CTNNA2: variants seen among roughly 807,000 people sequenced by gnomAD.
CTNNA2 encodes the protein catenin alpha-2.
In CTNNA2, 42 loss-of-function variants were observed where a neutral mutation model predicts 101.0. The ratio of observed to expected loss-of-function variants is 0.42; its 90% CI spans 0.32 to 0.54. The LOEUF (loss-of-function observed/expected upper bound fraction) is 0.54. CTNNA2 is among the 20% of genes least tolerant of loss of function. The pLI is 0.14. For missense variants in CTNNA2, 871 were observed against 1,223.1 expected (o/e 0.71, Z 4.29); for synonymous variants, 450 against 456.4 (o/e 0.99, Z 0.18).
chr2:80,233,780 T>A (rs1709391164), intron 7 of CTNNA2, among the ~76,000 whole-genome samples: 1 of 152,162 alleles, frequency 6.6e-6, no homozygotes, highest in Admixed American at 6.6e-5. Context: ...AGGGATTGAA[T>A]GCCATATTCA....
rs556130606 is a variant in CTNNA2 at position 79,624,605 on chromosome 2, A to G, written c.-5-26947A>G. ...GTTCAAGACTGGCCTGTAGAAGCTC[A>G]GTCACCAGCATCTTTTTGGTGGTGG... On this transcript the variant is annotated intron_variant, in intron 1 of 18. Coordinates refer to ENST00000402739, the MANE Select transcript of CTNNA2 (RefSeq NM_001282597.3). Among the ~76,000 whole-genome samples the G allele has an allele frequency of 3.9e-5, 6 of 152,336 alleles. 1 individual carries two copies. Among genetic ancestry groups the G allele is most frequent in the African/African-American group, 1.4e-4 (6 of 41,576 alleles).
At chr2:80,132,905 C>T (rs1305611583) in intron 7 of CTNNA2, among the ~76,000 whole-genome samples, 1 of 152,080 alleles carries the variant, frequency 6.6e-6, no homozygotes, top group Non-Finnish European at 1.5e-5. Flanking sequence ...AATCATGACT[C>T]ATATGGATAT....
At chr2:79,357,139 C>A (rs1016097627) in intron 3 of CTNNA2, among the ~76,000 whole-genome samples, 2 of 152,046 alleles carry the variant, frequency 1.3e-5, no homozygotes, top group African/African-American at 4.8e-5. Flanking sequence ...CCAGTCTGGG[C>A]AACATAGCAA....
intron 7 of CTNNA2, among the ~76,000 whole-genome samples, chr2:80,332,191 A>C (rs145162918): frequency 6.6e-6 from 1 of 152,140 alleles, no homozygotes; most frequent in South Asian, 2.1e-4. Flanking sequence ...TTTCTCCTTA[A>C]ACAAACAAAC....
intron 9 of CTNNA2, among the ~76,000 whole-genome samples, chr2:80,435,729 G>A (rs1260553317): frequency 3.3e-5 from 5 of 152,116 alleles, no homozygotes; most frequent in South Asian, 2.1e-4. Context: ...ACCACAGAGC[G>A]GACATAGTTC....
At chr2:79,669,631 T>G (rs1009409809) in intron 2 of CTNNA2, among the ~76,000 whole-genome samples, 3 of 152,102 alleles carry the variant, frequency 2.0e-5, no homozygotes, top group Non-Finnish European at 4.4e-5. Flanking sequence ...TGCAGGCAAG[T>G]CATTTGGATG....
chr2:79,867,185 A>G (rs1231852750), intron 4 of CTNNA2, among the ~76,000 whole-genome samples: 1 of 152,202 alleles, frequency 6.6e-6, no homozygotes, highest in Non-Finnish European at 1.5e-5. Context: ...TCCTTTCTCT[A>G]GCTGCCCAGA....
chr2:79,519,978 A>C (rs1478453851), intron 1 of CTNNA2, among the ~76,000 whole-genome samples: 1 of 152,220 alleles, frequency 6.6e-6, no homozygotes, highest in Non-Finnish European at 1.5e-5. Context: ...GAAATTATAT[A>C]TGCTTTAAGG....
At chr2:80,111,994 A>G (rs2148862558) in intron 7 of CTNNA2, among the ~76,000 whole-genome samples, 1 of 152,328 alleles carries the variant, frequency 6.6e-6, no homozygotes, top group East Asian at 1.9e-4. Context: ...ACCTAGTTGA[A>G]AGAGATGCAA....
At chr2:80,465,413 A>T (rs549488711) in intron 9 of CTNNA2, among the ~76,000 whole-genome samples, 1 of 152,292 alleles carries the variant, frequency 6.6e-6, no homozygotes, top group East Asian at 1.9e-4. Flanking sequence ...GCAGTTACAG[A>T]ACCATTACAA....
intron 7 of CTNNA2, among the ~76,000 whole-genome samples, chr2:80,193,164 T>C (rs1490092638): frequency 6.6e-6 from 1 of 152,230 alleles, no homozygotes; most frequent in Non-Finnish European, 1.5e-5. Flanking sequence ...TTTTTAGTAA[T>C]AATAGTTCAT....
intron 1 of CTNNA2, among the ~76,000 whole-genome samples, chr2:79,556,359 G>A (rs1238742584): frequency 2.0e-5 from 3 of 151,990 alleles, no homozygotes; most frequent in Non-Finnish European, 4.4e-5. Context: ...TTTTATAGTG[G>A]TGACTTGGAC....
At chr2:79,982,759 C>T (rs1691475857) in intron 7 of CTNNA2, among the ~76,000 whole-genome samples, 1 of 152,032 alleles carries the variant, frequency 6.6e-6, no homozygotes, top group Non-Finnish European at 1.5e-5. Flanking sequence ...TATTGATCTC[C>T]ATTTTTGTGC....
intron 7 of CTNNA2, among the ~76,000 whole-genome samples, chr2:80,292,604 T>C (rs1675363426): frequency 6.6e-6 from 1 of 152,182 alleles, no homozygotes; most frequent in Non-Finnish European, 1.5e-5. Flanking sequence ...GTTTCATAAA[T>C]GGATCAAGAA....
intron 4 of CTNNA2, among the ~76,000 whole-genome samples, chr2:79,455,435 AG>A (rs1212866370): frequency 6.6e-6 from 1 of 152,106 alleles, no homozygotes; most frequent in Non-Finnish European, 1.5e-5. Flanking sequence ...CCATGGCCAA[AG>A]GTCTCGGTCC....
intron 16 of CTNNA2, among the ~76,000 whole-genome samples, chr2:80,606,644 A>T (rs932564247): frequency 6.6e-6 from 1 of 151,910 alleles, no homozygotes; most frequent in Non-Finnish European, 1.5e-5. Context: ...TTGATTCAAC[A>T]TGCCTTTTTA....
At chr2:80,139,479 G>T (rs1162824413) in intron 7 of CTNNA2, among the ~76,000 whole-genome samples, 1 of 151,864 alleles carries the variant, frequency 6.6e-6, no homozygotes, top group Non-Finnish European at 1.5e-5. Flanking sequence ...AGATTTTACT[G>T]CTTAGGATCT....
chr2:80,041,336 G>A (rs1017458180), intron 7 of CTNNA2, among the ~76,000 whole-genome samples: 1 of 151,680 alleles, frequency 6.6e-6, no homozygotes, highest in South Asian at 2.1e-4. Flanking sequence ...AATGGAAGTG[G>A]TATGACAAAG....
intron 9 of CTNNA2, among the ~76,000 whole-genome samples, chr2:80,420,752 A>G (rs1348557): frequency 0.15 from 23,003 of 152,068 alleles, 1,886 homozygotes; most frequent in African/African-American, 0.22. Flanking sequence ...TCACCCAGCC[A>G]ACAGGAAGTC....
Sources: allele counts gnomAD v4.1 joint callset (sites outside exome capture counted in the v4.1 genomes callset), GRCh38; gene constraint gnomAD v4.1.1; transcripts MANE v1.5; gene names NCBI Gene and HGNC (gene_info 2026-07-23, HGNC 2026-07-21).